The following PSD3 variants were observed in gnomAD, a reference collection of about 807,000 sequenced individuals.
PSD3 encodes pleckstrin and Sec7 domain containing 3.
Under a neutral mutation model 105.5 loss-of-function variants are expected in PSD3, and 49 were observed. The ratio of observed to expected loss-of-function variants is 0.46; its 90% CI spans 0.37 to 0.59. The LOEUF is 0.59. PSD3 is among the 20% of genes least tolerant of loss of function. The pLI, the probability that PSD3 is intolerant of heterozygous loss-of-function variation, is 0.00. For synonymous variants in PSD3, 557 were observed against 457.8 expected (o/e 1.22, Z -2.77); for missense variants, 1,561 against 1,263.8 (o/e 1.24, Z -3.57).
chr8:19,018,739 T>C (rs1162755030), intron 1 of PSD3, among the ~76,000 whole-genome samples: 1 of 152,188 alleles, frequency 6.6e-6, no homozygotes, highest in Non-Finnish European at 1.5e-5. Flanking sequence ...TTGAATCAAG[T>C]GTGTCTGAAC....
At chr8:18,776,887 G>A (rs1006403623) in intron 8 of PSD3, among the ~76,000 whole-genome samples, 2 of 151,976 alleles carry the variant, frequency 1.3e-5, no homozygotes, top group Admixed American at 1.3e-4. Flanking sequence ...TCCACTTCTC[G>A]TTTTTCCAAG....
At chr8:18,989,492 G>A (rs574861401) in intron 1 of PSD3, 3 of 152,218 alleles carry the variant, frequency 2.0e-5, no homozygotes, top group East Asian at 3.9e-4. Context: ...TTTTAGTCAG[G>A]AAACAAAAAT....
chr8:18,991,274 CTTGGCT>C (rs1825774728), intron 1 of PSD3, among the ~76,000 whole-genome samples: 1 of 151,818 alleles, frequency 6.6e-6, no homozygotes, highest in Non-Finnish European at 1.5e-5. Flanking sequence ...CAGAAGTGAA[CTTGGCT>C]ACAGAGTCAT....
chr8:18,902,940 T>A (rs1262265774), intron 2 of PSD3, among the ~76,000 whole-genome samples: 2 of 152,192 alleles, frequency 1.3e-5, no homozygotes, highest in South Asian at 4.1e-4. Context: ...AGGTCTGACA[T>A]GGCCTACAAG....
intron 2 of PSD3, among the ~76,000 whole-genome samples, chr8:18,929,880 G>A (rs1442637255): frequency 6.6e-6 from 1 of 152,050 alleles, no homozygotes; most frequent in Non-Finnish European, 1.5e-5. Context: ...TAAAAAAGCA[G>A]ACTGCAATGA....
chr8:18,810,570 G>A (rs989691001), intron 4 of PSD3, among the ~76,000 whole-genome samples: 3 of 151,914 alleles, frequency 2.0e-5, no homozygotes, highest in African/African-American at 7.3e-5. Context: ...TTATGTAATT[G>A]TGGTAATAAA....
intron 11 of PSD3, among the ~76,000 whole-genome samples, chr8:18,604,144 G>C (rs984274039): frequency 4.6e-5 from 7 of 152,282 alleles, no homozygotes; most frequent in Admixed American, 2.6e-4. Flanking sequence ...GAAGATGACT[G>C]AAAGTTTGGA....
At chr8:18,565,140 G>A (rs534617275) in intron 14 of PSD3, among the ~76,000 whole-genome samples, 3 of 152,242 alleles carry the variant, frequency 2.0e-5, no homozygotes, top group East Asian at 3.9e-4. Context: ...CCTGAGCCCA[G>A]CCTGGACCTG....
chr8:18,536,612 A>G (rs1237110819), intron 15 of PSD3, among the ~76,000 whole-genome samples: 2 of 152,198 alleles, frequency 1.3e-5, no homozygotes, highest in Non-Finnish European at 2.9e-5. Context: ...CAGAATTTCA[A>G]GTTATTTTCT....
At chr8:18,827,939 AAAG>A (rs1563319392) in intron 4 of PSD3, among the ~76,000 whole-genome samples, 2 of 149,716 alleles carry the variant, frequency 1.3e-5, no homozygotes, top group Non-Finnish European at 3.0e-5. Context: ...AAAAAAAAAA[AAAG>A]AAGCAAAAGC....
At chr8:18,540,494 A>G (rs1363912272) in intron 15 of PSD3, among the ~76,000 whole-genome samples, 1 of 152,144 alleles carries the variant, frequency 6.6e-6, no homozygotes, top group African/African-American at 2.4e-5. Flanking sequence ...TGAAGAAGGA[A>G]ATTTGACAAT....
chr8:18,660,643 G>A (rs186929727), intron 9 of PSD3, among the ~76,000 whole-genome samples: 1 of 152,156 alleles, frequency 6.6e-6, no homozygotes, highest in African/African-American at 2.4e-5. Flanking sequence ...TGATTATTGT[G>A]CCCTGTCCTA....
intron 9 of PSD3, among the ~76,000 whole-genome samples, chr8:18,749,299 C>A (rs759627641): frequency 1.2e-4 from 18 of 152,186 alleles, no homozygotes; most frequent in African/African-American, 4.3e-4. Context: ...CCCTTCTACT[C>A]CAGCTCTATA....
Position 18,536,979 on chromosome 8 carries a change from GT to G in PSD3, c.2929-1022del, listed in dbSNP as rs1195373229. Among the ~76,000 whole-genome samples, 5 of 152,288 alleles carry G rather than the reference GT, an allele frequency of 3.3e-5. No homozygotes were observed. In the East Asian group the frequency reaches 9.6e-4, roughly 29 times the overall value. ...GTCCCAACAAAGGCAGGCAAATTCT[GT>G]TTTGACTATACATCCGTCTTAGGGA... is the stretch of plus-strand genomic sequence containing the variant. On this transcript the variant is annotated intron_variant, in intron 15 of 15. Transcript: ENST00000327040.
intron 1 of PSD3, among the ~76,000 whole-genome samples, chr8:19,049,001 G>A (rs1828421663): frequency 6.6e-6 from 1 of 152,180 alleles, no homozygotes; most frequent in Non-Finnish European, 1.5e-5. Flanking sequence ...TGTGTTGCCT[G>A]TGTCCTAATC....
intron 15 of PSD3, among the ~76,000 whole-genome samples, chr8:18,545,914 A>G (rs1462512409): frequency 6.6e-6 from 1 of 152,214 alleles, no homozygotes; most frequent in Non-Finnish European, 1.5e-5. Flanking sequence ...AGCTGAAGGA[A>G]CTATGATCTA....
chr8:18,672,646 C>T (rs1438265708), intron 9 of PSD3, among the ~76,000 whole-genome samples: 1 of 152,162 alleles, frequency 6.6e-6, no homozygotes, highest in South Asian at 2.1e-4. Context: ...CAACTATTAT[C>T]GGTATTGTTG....
rs10584051 is a variant in PSD3, at chr8:19,049,690, C to CAA, written c.324+34514_324+34515dup. On this transcript the variant is annotated intron_variant, in intron 1 of 1. Transcript: ENST00000521475. ...TGGGTGACAGACTAAGACCCTGTCT[C>CAA]AAAAAAAAAAAAAAAAAAAAAAAAA... 2.1e-3 allele frequency among the ~76,000 whole-genome samples: 137 copies of CAA among 64,358 alleles called. 4 individuals are homozygous for CAA. The highest frequency in any genetic ancestry group is 6.5e-3 in the African/African-American group (129 of 19,732). 42.2% of individuals were successfully genotyped at this position (64,358 alleles called of 152,430 possible). A position where few individuals can be genotyped will look rare whatever the true frequency, so the allele number is the denominator to read the frequency against.
At chr8:18,832,494 T>G (rs1813758181) in intron 4 of PSD3, among the ~76,000 whole-genome samples, 1 of 152,204 alleles carries the variant, frequency 6.6e-6, no homozygotes, top group Non-Finnish European at 1.5e-5. Context: ...TGCCAACCAG[T>G]ACAGCTCACT....
Sources: gnomAD v4.1 joint callset for allele counts (sites outside exome capture counted in the v4.1 genomes callset) on GRCh38, gnomAD v4.1.1 for gene constraint, MANE v1.5 for transcripts, NCBI Gene and HGNC (gene_info 2026-07-23, HGNC 2026-07-21) for gene names.